Variants in PLD5 observed in about 807,000 individuals in gnomAD.
PLD5 encodes phospholipase D family member 5.
PLD5 carries 36 observed loss-of-function variants against 61.1 expected under a neutral mutation model. That is an observed-to-expected ratio of 0.59 (90% CI 0.45 to 0.78). The LOEUF (loss-of-function observed/expected upper bound fraction) is 0.78. PLD5 is among the 30% of genes least tolerant of loss of function. The pLI is 0.00. For missense variants in PLD5, 515 were observed against 644.4 expected, an observed-to-expected ratio of 0.80 and a Z score of 2.17; for synonymous variants, 243 against 242.8, an observed-to-expected ratio of 1.00 and a Z score of -0.01.
intron 3 of PLD5, among the ~76,000 whole-genome samples, chr1:242,276,448 AATAT>A (rs1477435683): frequency 1.8e-4 from 1 of 5,408 alleles, no homozygotes; most frequent in African/African-American, 2.8e-4. Context: ...TATATATATG[AATAT>A]ATATGAATAT....
intron 1 of PLD5, among the ~76,000 whole-genome samples, chr1:242,367,454 T>C (rs912669500): frequency 6.6e-6 from 1 of 152,154 alleles, no homozygotes; most frequent in African/African-American, 2.4e-5. Flanking sequence ...GCCCTCTCTG[T>C]TGAGCAGCAC....
At chr1:242,371,879 A>G (rs1401682138) in intron 1 of PLD5, among the ~76,000 whole-genome samples, 1 of 148,452 alleles carries the variant, frequency 6.7e-6, no homozygotes, top group Non-Finnish European at 1.5e-5. Context: ...TTTTTTTTTT[A>G]ATTATACTTT....
chr1:242,300,857 G>A (rs1675999499), intron 2 of PLD5, among the ~76,000 whole-genome samples: 1 of 152,114 alleles, frequency 6.6e-6, no homozygotes, highest in African/African-American at 2.4e-5. Context: ...CTGGGGATGG[G>A]GAAAAGTGGA....
intron 1 of PLD5, among the ~76,000 whole-genome samples, chr1:242,508,941 C>T (rs1309727412): frequency 2.0e-5 from 3 of 152,040 alleles, no homozygotes; most frequent in African/African-American, 7.3e-5. Context: ...ATTAGCCAGG[C>T]ATGGTGGTGC....
chr1:242,486,437 G>T (rs563380426), intron 1 of PLD5, among the ~76,000 whole-genome samples: 110 of 152,144 alleles, frequency 7.2e-4, no homozygotes, highest in Admixed American at 1.9e-3. Context: ...AGACATTTAT[G>T]CAGCCAAAAG....
chr1:242,243,200 G>C (rs762050213), intron 4 of PLD5, among the ~76,000 whole-genome samples: 1 of 152,250 alleles, frequency 6.6e-6, no homozygotes, highest in Non-Finnish European at 1.5e-5. Flanking sequence ...CGAGCGTAAA[G>C]GCTGAGCTGA....
chr1:242,102,908 C>T (rs942667395), intron 8 of PLD5, among the ~76,000 whole-genome samples: 4 of 152,146 alleles, frequency 2.6e-5, no homozygotes, highest in African/African-American at 7.2e-5. Context: ...TGATTAAGTA[C>T]TGTAAAGGTT....
chr1:242,361,951 A>G (rs924144470), intron 1 of PLD5, among the ~76,000 whole-genome samples: 6 of 150,964 alleles, frequency 4.0e-5, no homozygotes, highest in Non-Finnish European at 7.4e-5. Flanking sequence ...CCTGGCCAAC[A>G]TACTGAGACC....
In PLD5 at chr1:242,409,177, C is replaced by G. The variant is rs376969621; in HGVS notation, c.190-60935G>C. ...AGCTCTAGACCCAACTTTGTCATGA[C>G]TAGCTTATTGGCCTTGGGTCAGACA... On this transcript the variant is annotated intron_variant, in intron 1 of 9. Transcript: ENST00000536534. 6.8e-4 allele frequency among the ~76,000 whole-genome samples: 104 copies of G among 152,268 alleles called. 2 individuals carry two copies. The highest frequency in any genetic ancestry group is 2.5e-3 in the African/African-American group (102 of 41,546).
chr1:242,293,324 T>C (rs188205781), intron 2 of PLD5, among the ~76,000 whole-genome samples: 1 of 152,330 alleles, frequency 6.6e-6, no homozygotes, highest in East Asian at 1.9e-4. Context: ...TCCTTACCCT[T>C]TCTACAGTTT....
chr1:242,209,699 G>A (rs1418772396), intron 5 of PLD5, among the ~76,000 whole-genome samples: 2 of 152,054 alleles, frequency 1.3e-5, no homozygotes, highest in African/African-American at 4.8e-5. Flanking sequence ...TATTTCCTAA[G>A]ACAACAACAT....
chr1:242,366,593 A>G (rs1661353045), intron 1 of PLD5, among the ~76,000 whole-genome samples: 1 of 152,206 alleles, frequency 6.6e-6, no homozygotes, highest in Non-Finnish European at 1.5e-5. Flanking sequence ...AATTACCATT[A>G]CCATTTACTA....
At chr1:242,305,249 C>T (rs189821526) in intron 2 of PLD5, among the ~76,000 whole-genome samples, 158 of 152,306 alleles carry the variant, frequency 1.0e-3, no homozygotes, top group East Asian at 3.5e-3. Context: ...GTAAAGTAAT[C>T]CCACTCCTGA....
intron 3 of PLD5, among the ~76,000 whole-genome samples, chr1:242,267,975 G>GA (rs1286550819): frequency 6.6e-6 from 1 of 151,722 alleles, no homozygotes; most frequent in East Asian, 1.9e-4. Context: ...GGACAGGAAA[G>GA]AAAAAAATGT....
chr1:242,122,504 T>C (rs1662463141), intron 6 of PLD5, among the ~76,000 whole-genome samples: 2 of 152,362 alleles, frequency 1.3e-5, no homozygotes, highest in African/African-American at 2.4e-5. Flanking sequence ...TGTGGCCCTC[T>C]GGATTAAAGG....
chr1:242,223,878 AG>A (rs1670766119), intron 4 of PLD5, among the ~76,000 whole-genome samples: 2 of 150,924 alleles, frequency 1.3e-5, no homozygotes, highest in African/African-American at 2.5e-5. Flanking sequence ...AGAGAGAGAG[AG>A]AGAGTCATGT....
Position 242,105,569 on chromosome 1 carries a change from T to C in PLD5, c.1239+2102A>G, listed in dbSNP as rs180950914. 2.0e-3 allele frequency among the ~76,000 whole-genome samples: 301 copies of C among 152,256 alleles called. 1 individual carries two copies. Among genetic ancestry groups the C allele is most frequent in the South Asian group, 4.2e-3 (20 of 4,816 alleles). On this transcript the variant is annotated intron_variant, in intron 8 of 9. Coordinates refer to ENST00000536534, the MANE Select transcript of PLD5 (RefSeq NM_001372062.1). ...AGCTTATTAGAGGAGATAAATAGGCTCAGGGAAGGAAGGGCTAGTTTATAA... is the reference window on the plus strand; with the variant it reads ...AGCTTATTAGAGGAGATAAATAGGCCCAGGGAAGGAAGGGCTAGTTTATAA...
chr1:242,426,312 A>T (rs1368765231), intron 1 of PLD5, among the ~76,000 whole-genome samples: 1 of 80,826 alleles, frequency 1.2e-5, no homozygotes, highest in Non-Finnish European at 3.2e-5. Flanking sequence ...TTCCAGTTAA[A>T]AAAAAAAAAA....
At chr1:242,151,854 T>C (rs1664952838) in intron 5 of PLD5, among the ~76,000 whole-genome samples, 2 of 152,112 alleles carry the variant, frequency 1.3e-5, no homozygotes, top group Non-Finnish European at 2.9e-5. Flanking sequence ...TTAAATGTTT[T>C]ATTTTGAGAT....
Sources: allele counts gnomAD v4.1 joint callset (sites outside exome capture counted in the v4.1 genomes callset), GRCh38; gene constraint gnomAD v4.1.1; transcripts MANE v1.5; gene names NCBI Gene and HGNC (gene_info 2026-07-23, HGNC 2026-07-21).